The following NUP93 variants were observed in gnomAD, a reference collection of about 807,000 sequenced individuals.
The protein encoded by NUP93 is nucleoporin 93.
In NUP93, 55 loss-of-function variants were observed where a neutral mutation model predicts 107.8. That is an observed-to-expected ratio of 0.51 (90% CI 0.41 to 0.64). NUP93 has a LOEUF of 0.64. Ranked by LOEUF, NUP93 falls within the 30% of genes least tolerant of loss-of-function variation. The pLI is 0.00. For synonymous variants in NUP93, 390 were observed against 397.5 expected (o/e 0.98, Z 0.22); for missense variants, 937 against 1,044.7 (o/e 0.90, Z 1.42).
chr16:56,843,800 C>T (rs1462179289), intron 21 of NUP93, among the ~76,000 whole-genome samples: 2 of 152,198 alleles, frequency 1.3e-5, no homozygotes, highest in East Asian at 3.8e-4. Flanking sequence ...TAGATGACTC[C>T]TCAGTGTTTC....
intron 1 of NUP93, among the ~76,000 whole-genome samples, chr16:56,739,518 G>T (rs1365557785): frequency 4.3e-5 from 5 of 116,156 alleles, no homozygotes; most frequent in Non-Finnish European, 7.3e-5. Flanking sequence ...TGGCCGGGCG[G>T]GGGGGCTGAC....
rs948868444 is a variant in NUP93 at position 56,790,001 on chromosome 16, G to A, written c.298-8475G>A. ...AATCCCAGCTACTCAGGAGGCTGAG[G>A]CAGGAGAATTGCTTGAACCTGGGAG... is the stretch of plus-strand genomic sequence containing the variant. On this transcript the variant is annotated intron_variant, in intron 3 of 21. Coordinates refer to ENST00000308159, the MANE Select transcript of NUP93 (RefSeq NM_014669.5). Among the ~76,000 whole-genome samples the A allele has an allele frequency of 2.0e-5, 3 of 152,170 alleles. No individual in the cohort carries two copies. The East Asian group carries it at 5.8e-4, about 29-fold the overall frequency.
At chr16:56,794,263 A>G (rs1041214616) in intron 3 of NUP93, among the ~76,000 whole-genome samples, 4 of 152,096 alleles carry the variant, frequency 2.6e-5, no homozygotes, top group Non-Finnish European at 5.9e-5. Context: ...TTCAAAATCT[A>G]TTTTGTGGGC....
chr16:56,798,973 A>T (rs1226324846), intron 4 of NUP93, among the ~76,000 whole-genome samples: 1 of 152,070 alleles, frequency 6.6e-6, no homozygotes, highest in African/African-American at 2.4e-5. Context: ...TCCTACAGAG[A>T]GAGTTCTACA....
chr16:56,738,945 C>CTT (rs35518694), intron 1 of NUP93, among the ~76,000 whole-genome samples: 30,373 of 131,656 alleles, frequency 0.23, 3,900 homozygotes, highest in East Asian at 0.32. Flanking sequence ...TGCTAAATTT[C>CTT]TTTTTTTTTT....
intron 5 of NUP93, among the ~76,000 whole-genome samples, chr16:56,808,557 AAT>A (rs1336637547): frequency 8.0e-6 from 1 of 124,814 alleles, no homozygotes; most frequent in Non-Finnish European, 1.6e-5. Context: ...AATATATAAA[AAT>A]ATATAAATAC....
chr16:56,815,607 A>G (rs1339381009), intron 5 of NUP93, among the ~76,000 whole-genome samples: 1 of 152,186 alleles, frequency 6.6e-6, no homozygotes, highest in African/African-American at 2.4e-5. Context: ...CTTTTTGTTT[A>G]TAAAGTGATA....
intron 1 of NUP93, among the ~76,000 whole-genome samples, chr16:56,742,362 T>C (rs1440098618): frequency 1.3e-5 from 2 of 152,200 alleles, no homozygotes; most frequent in African/African-American, 4.8e-5. Flanking sequence ...ATGTGCCAAA[T>C]AAACTAAGAA....
chr16:56,784,060 T>C (rs1962573988), intron 3 of NUP93, among the ~76,000 whole-genome samples: 1 of 152,098 alleles, frequency 6.6e-6, no homozygotes, highest in Non-Finnish European at 1.5e-5. Flanking sequence ...TAAAAATAGG[T>C]TTTGTGAGTG....
chr16:56,787,556 T>C (rs1195039599), intron 3 of NUP93, among the ~76,000 whole-genome samples: 1 of 152,186 alleles, frequency 6.6e-6, no homozygotes, highest in Non-Finnish European at 1.5e-5. Context: ...CCCCCAAATC[T>C]TGCTTTTGTT....
At position 56,798,480 on chromosome 16, in the gene NUP93, T is replaced by C. The variant is rs758758550; in HGVS notation, c.302T>C (p.Phe101Ser). ...TTAATTTTCCCCCATTTATAGGGCT[T>C]CCTGAAGAATGAGAAGGACAATGCC... is the stretch of plus-strand genomic sequence containing the variant. ...EPVKDTDIQG[F>S]LKNEKDNALL... Residue 101 changes from phenylalanine to serine, a missense_variant, in exon 4 of 22, where the codon TTC becomes TCC. Physicochemically the swap from Phe to Ser is radical, Grantham distance 155. Transcript: ENST00000308159. 3.7e-6 allele frequency: 6 copies of C among 1,614,010 alleles called. No homozygotes were observed. In the South Asian group the frequency reaches 6.6e-5, roughly 18 times the overall value.
At position 56,847,598 on chromosome 16, in the gene NUP93, C is replaced by T. The variant is rs1402008145; in HGVS notation, c.*2989C>T. 1 of 152,174 alleles carries T rather than the reference C, an allele frequency of 6.6e-6. No homozygotes were observed. The highest frequency in any genetic ancestry group is 1.5e-5 in the Non-Finnish European group (1 of 68,030). 9.4% of individuals were successfully genotyped at this position (152,174 alleles called of 1,614,324 possible). A position where few individuals can be genotyped will look rare whatever the true frequency, so the allele number is the denominator to read the frequency against. On this transcript the variant is annotated 3_prime_UTR_variant, in exon 22 of 22. Coordinates refer to ENST00000308159, the MANE Select transcript of NUP93 (RefSeq NM_014669.5). ...CTTGATCTGGATCCTTTTCAGAGGC[C>T]TGGAGATTTAATTTCACAGATTCTC...
At chr16:56,784,371 A>G (rs1355293589) in intron 3 of NUP93, among the ~76,000 whole-genome samples, 1 of 152,234 alleles carries the variant, frequency 6.6e-6, no homozygotes, top group Admixed American at 6.5e-5. Flanking sequence ...TGTTTTGACA[A>G]AACAAGATTT....
At chr16:56,796,655 T>C (rs1353323614) in intron 3 of NUP93, among the ~76,000 whole-genome samples, 2 of 152,246 alleles carry the variant, frequency 1.3e-5, no homozygotes, top group South Asian at 2.1e-4. Context: ...AATTCTACTT[T>C]GTATTACATT....
Position 56,805,619 on chromosome 16 carries a change from C to T in NUP93, c.476C>T (p.Thr159Ile), listed in dbSNP as rs369482440. The change falls in exon 5 of 22, where the codon ACT becomes ATT. Residue 159 changes from threonine (T) to isoleucine (I), a missense_variant. By Grantham distance (89) the Thr-to-Ile change is moderately conservative. Transcript: ENST00000308159. Reference protein sequence around the residue: ...LASGEDALDFTQESEPSYISD... With the variant: ...LASGEDALDFIQESEPSYISD... ...TCAGGAGAAGACGCCCTTGACTTTA[C>T]TCAAGAAAGCGAGGTAGCTTGAATG... is the stretch of plus-strand genomic sequence containing the variant. 25 of 1,613,692 alleles carry T rather than the reference C, an allele frequency of 1.5e-5. No homozygotes were observed. Among genetic ancestry groups the T allele is most frequent in the Non-Finnish European group, 1.9e-5 (23 of 1,179,662 alleles).
At chr16:56,831,268 T>C (rs999087180) in intron 10 of NUP93, among the ~76,000 whole-genome samples, 24 of 152,234 alleles carry the variant, frequency 1.6e-4, no homozygotes, top group African/African-American at 2.4e-5. Flanking sequence ...TACATGTATG[T>C]AGAAGAAATG....
intron 13 of NUP93, 81 bp from the exon 14 acceptor site, chr16:56,834,047 G>A: frequency 1.3e-6 from 2 of 1,584,750 alleles, no homozygotes; most frequent in Non-Finnish European, 8.6e-7. Context: ...CTGGGTCTGT[G>A]GATTCAGCTT....
At chr16:56,798,871 CAA>C (rs1184872315) in intron 4 of NUP93, among the ~76,000 whole-genome samples, 67 of 82,844 alleles carry the variant, frequency 8.1e-4, no homozygotes, top group Non-Finnish European at 9.4e-4. Flanking sequence ...GACCCTGTCT[CAA>C]AAAAAAAAAA....
chr16:56,776,831 A>G (rs1416471701), intron 3 of NUP93, among the ~76,000 whole-genome samples: 1 of 152,246 alleles, frequency 6.6e-6, no homozygotes, highest in Non-Finnish European at 1.5e-5. Context: ...CCTGGGCCAG[A>G]ACCTGAGTTT....
Sources: gnomAD v4.1 joint callset for allele counts (sites outside exome capture counted in the v4.1 genomes callset) on GRCh38, gnomAD v4.1.1 for gene constraint, MANE v1.5 for transcripts, NCBI Gene and HGNC (gene_info 2026-07-23, HGNC 2026-07-21) for gene names.